Variants in XKR9 observed in about 807,000 individuals in gnomAD.
XKR9 encodes XK related 9, also known as XK-related protein 9.
Under a neutral mutation model 32.0 loss-of-function variants are expected in XKR9, and 32 were observed. The observed-to-expected ratio is 1.00, with a 90% CI of 0.76 to 1.34. The LOEUF is 1.34. Ranked by LOEUF, XKR9 falls within the 40% of genes most tolerant of loss-of-function variation. The pLI, the probability that XKR9 is intolerant of heterozygous loss-of-function variation, is 0.00. For missense variants in XKR9, 546 were observed against 429.7 expected (o/e 1.27, Z -2.39); for synonymous variants, 168 against 143.4 (o/e 1.17, Z -1.22).
At chr8:70,885,795 A>C in the XKR9 span, among the ~76,000 whole-genome samples, 1 of 152,084 alleles carries the variant, frequency 6.6e-6, no homozygotes. Context: ...ATGGGGTTTC[A>C]CTGTGTTAGC....
At chr8:70,997,159 T>C in the XKR9 span, among the ~76,000 whole-genome samples, 1 of 152,160 alleles carries the variant, frequency 6.6e-6, no homozygotes, top group South Asian at 2.1e-4. Context: ...TTAGCTGGCA[T>C]TGTGGCAGGC....
the XKR9 span, among the ~76,000 whole-genome samples, chr8:70,835,606 G>T: frequency 6.6e-6 from 1 of 152,066 alleles, no homozygotes; most frequent in Non-Finnish European, 1.5e-5. Flanking sequence ...TCTAGGAAGA[G>T]AAAAGATCAC....
At chr8:71,024,048 G>A in the XKR9 span, among the ~76,000 whole-genome samples, 1 of 152,074 alleles carries the variant, frequency 6.6e-6, no homozygotes, top group Non-Finnish European at 1.5e-5. Flanking sequence ...GGAGGGGCAG[G>A]GCCAGGCCAG....
At chr8:70,786,126 G>T (rs1807685904) in intron 2 of XKR9, among the ~76,000 whole-genome samples, 1 of 151,984 alleles carries the variant, frequency 6.6e-6, no homozygotes, top group Admixed American at 6.6e-5. Flanking sequence ...ATAACATTGT[G>T]GTTGGAAAAA....
At chr8:70,856,668 A>C in the XKR9 span, among the ~76,000 whole-genome samples, 1 of 152,206 alleles carries the variant, frequency 6.6e-6, no homozygotes, top group Non-Finnish European at 1.5e-5. Context: ...AACAGAATAT[A>C]CATTCTTTTC....
At chr8:70,817,065 G>A in the XKR9 span, among the ~76,000 whole-genome samples, 1 of 151,902 alleles carries the variant, frequency 6.6e-6, no homozygotes, top group Non-Finnish European at 1.5e-5. Context: ...AAACCCTAAA[G>A]ACTCCACAAA....
chr8:70,985,817 C>T, the XKR9 span, among the ~76,000 whole-genome samples: 5 of 151,546 alleles, frequency 3.3e-5, no homozygotes, highest in Admixed American at 2.0e-4. Context: ...TTAAAGAGCA[C>T]GCACAAATAT....
At chr8:70,698,396 A>C (rs896631312) in intron 3 of XKR9, among the ~76,000 whole-genome samples, 2 of 152,154 alleles carry the variant, frequency 1.3e-5, no homozygotes, top group African/African-American at 4.8e-5. Flanking sequence ...CTTTGTTCTC[A>C]TTGGTTTCAA....
At position 70,783,331 on chromosome 8, in the gene XKR9, A is replaced by G. The variant is rs542815290; in HGVS notation, n.353-6008A>G. 6.6e-5 allele frequency among the ~76,000 whole-genome samples: 10 copies of G among 151,114 alleles called. No homozygotes were observed. The South Asian group carries it at 1.0e-3, about 16-fold the overall frequency. On this transcript the variant is annotated intron_variant and non_coding_transcript_variant, in intron 2 of 3. Transcript: ENST00000520273. ...AAGCTCTGCCTCCTGGGTTCACGCCATTGTCCTGCCTCAGCCTCCCAAGTA... is the reference window on the plus strand; with the variant it reads ...AAGCTCTGCCTCCTGGGTTCACGCCGTTGTCCTGCCTCAGCCTCCCAAGTA...
chr8:70,894,573 A>G, the XKR9 span, among the ~76,000 whole-genome samples: 1 of 152,148 alleles, frequency 6.6e-6, no homozygotes, highest in African/African-American at 2.4e-5. Flanking sequence ...CTTGTGGGGC[A>G]GGAACTATTC....
chr8:70,810,977 C>CAGA, the XKR9 span, among the ~76,000 whole-genome samples: 1 of 152,196 alleles, frequency 6.6e-6, no homozygotes, highest in African/African-American at 2.4e-5. Context: ...CCCAAATCAA[C>CAGA]AGAATGTACA....
downstream of XKR9, among the ~76,000 whole-genome samples, chr8:70,791,214 G>C (rs1443089163): frequency 2.0e-5 from 3 of 151,678 alleles, no homozygotes; most frequent in African/African-American, 7.3e-5. Context: ...TCTTGGCTTT[G>C]TAATCCCAGC....
At chr8:70,831,980 C>A in the XKR9 span, among the ~76,000 whole-genome samples, 1 of 152,182 alleles carries the variant, frequency 6.6e-6, no homozygotes, top group Admixed American at 6.5e-5. Flanking sequence ...GCTGTAAATG[C>A]ACTTCTTGGT....
At chr8:70,902,798 G>C in the XKR9 span, among the ~76,000 whole-genome samples, 4 of 152,250 alleles carry the variant, frequency 2.6e-5, 1 homozygote, top group South Asian at 8.3e-4. Flanking sequence ...TTGAGATAAC[G>C]TCTCATCAGT....
chr8:70,897,616 T>C, the XKR9 span, among the ~76,000 whole-genome samples: 1 of 152,188 alleles, frequency 6.6e-6, no homozygotes, highest in African/African-American at 2.4e-5. Flanking sequence ...AATTTGCTTT[T>C]CTTTGATGAT....
the XKR9 span, among the ~76,000 whole-genome samples, chr8:70,823,721 T>G: frequency 2.0e-5 from 3 of 152,182 alleles, no homozygotes; most frequent in Non-Finnish European, 2.9e-5. Flanking sequence ...TTTTCATATC[T>G]CAACGAGGTG....
the XKR9 span, among the ~76,000 whole-genome samples, chr8:71,008,114 G>A: frequency 8.5e-5 from 13 of 152,158 alleles, 1 homozygote; most frequent in African/African-American, 2.9e-4. Flanking sequence ...TTTTTAAAAA[G>A]GAAAAAAATT....
chr8:71,035,596 T>C, the XKR9 span, among the ~76,000 whole-genome samples: 1 of 152,194 alleles, frequency 6.6e-6, no homozygotes, highest in East Asian at 1.9e-4. Context: ...GTTTTTGAAT[T>C]GAGCACATCT....
At chr8:70,966,952 TTC>T in the XKR9 span, among the ~76,000 whole-genome samples, 33 of 152,168 alleles carry the variant, frequency 2.2e-4, no homozygotes, top group African/African-American at 7.7e-4. Context: ...CCCAGTTTTT[TTC>T]TGTTTTCCAT....
Sources: allele counts gnomAD v4.1 joint callset (sites outside exome capture counted in the v4.1 genomes callset), GRCh38; gene constraint gnomAD v4.1.1; transcripts MANE v1.5; gene names NCBI Gene and HGNC (gene_info 2026-07-23, HGNC 2026-07-21).